The following PTPRC variants were observed in gnomAD, a reference collection of about 807,000 sequenced individuals.
PTPRC encodes the protein receptor-type tyrosine-protein phosphatase C.
In PTPRC, 44 loss-of-function variants were observed where a neutral mutation model predicts 155.9. The observed-to-expected ratio is 0.28, with a 90% CI of 0.22 to 0.36. PTPRC has a LOEUF of 0.36. PTPRC is among the 10% of genes least tolerant of loss of function. The probability of loss-of-function intolerance (pLI) is 1.00; values close to 1 mark genes in which losing one functional copy is unlikely to be tolerated. For missense variants in PTPRC, 1,401 were observed against 1,564.6 expected (o/e 0.90, Z 1.76); for synonymous variants, 525 against 533.1 (o/e 0.98, Z 0.21).
chr1:198,707,034 C>T (rs1653017186), intron 9 of PTPRC, 82 bp downstream of exon 9: 1 of 1,171,846 alleles, frequency 8.5e-7, no homozygotes, highest in Admixed American at 1.8e-5. Flanking sequence ...GTCACAGGAG[C>T]TAGTCTGGTG....
chr1:198,754,168 C>A (rs1395904224), intron 31 of PTPRC, 101 bp from the exon 32 acceptor site: 6 of 1,376,912 alleles, frequency 4.4e-6, no homozygotes. Flanking sequence ...TTATGATAAA[C>A]ATGAAGCAAA....
At chr1:198,704,433 C>CAAAATTTT in intron 7 of PTPRC, 39 bp from the exon 8 acceptor site, 3 of 1,613,354 alleles carry the variant, frequency 1.9e-6, no homozygotes, top group Non-Finnish European at 2.5e-6. Context: ...TATTCTAAAG[C>CAAAATTTT]AAAATTTTAA....
chr1:198,731,063 G>C (rs1267544095), intron 17 of PTPRC, among the ~76,000 whole-genome samples: 1 of 151,944 alleles, frequency 6.6e-6, no homozygotes, highest in African/African-American at 2.4e-5. Context: ...TCTTCAGTAA[G>C]TTATTTCACA....
chr1:198,685,741 GC>G (rs1245509669), intron 2 of PTPRC, among the ~76,000 whole-genome samples: 4 of 151,854 alleles, frequency 2.6e-5, no homozygotes, highest in Non-Finnish European at 4.4e-5. Flanking sequence ...GTCTTGATTT[GC>G]TTTTTTCCAC....
intron 2 of PTPRC, among the ~76,000 whole-genome samples, chr1:198,677,832 C>A (rs908500405): frequency 1.3e-5 from 2 of 152,064 alleles, no homozygotes; most frequent in Admixed American, 1.3e-4. Flanking sequence ...GGAGACTAAA[C>A]CTCGGAAATA....
chr1:198,744,530 T>A (rs948159842), intron 26 of PTPRC, among the ~76,000 whole-genome samples: 1 of 151,884 alleles, frequency 6.6e-6, no homozygotes, highest in African/African-American at 2.4e-5. Flanking sequence ...ATACAGCATA[T>A]CACCTTTAAA....
chr1:198,698,507 TG>T (rs1666316176), intron 4 of PTPRC, among the ~76,000 whole-genome samples: 1 of 152,104 alleles, frequency 6.6e-6, no homozygotes, highest in South Asian at 2.1e-4. Flanking sequence ...CTGATATAAT[TG>T]GGGGAAAATC....
intron 2 of PTPRC, among the ~76,000 whole-genome samples, chr1:198,675,245 T>G (rs1184703776): frequency 6.6e-6 from 1 of 152,158 alleles, no homozygotes; most frequent in Non-Finnish European, 1.5e-5. Context: ...AACATGGAAT[T>G]AATGTTGATG....
At chr1:198,641,519 C>T (rs1192961033) in intron 2 of PTPRC, among the ~76,000 whole-genome samples, 2 of 152,030 alleles carry the variant, frequency 1.3e-5, no homozygotes, top group Non-Finnish European at 1.5e-5. Flanking sequence ...AAAATGCACA[C>T]ACGGACAAGG....
At chr1:198,668,078 G>C (rs992005210) in intron 2 of PTPRC, among the ~76,000 whole-genome samples, 1 of 152,198 alleles carries the variant, frequency 6.6e-6, no homozygotes, top group Non-Finnish European at 1.5e-5. Context: ...ATGATTGTTA[G>C]AGTGGCAGGG....
intron 32 of PTPRC, among the ~76,000 whole-genome samples, chr1:198,755,576 C>CTGAT (rs1432664398): frequency 1.3e-5 from 2 of 151,960 alleles, no homozygotes; most frequent in Non-Finnish European, 2.9e-5. Flanking sequence ...GATTCCTGCC[C>CTGAT]TGATTCTTAA....
intron 2 of PTPRC, among the ~76,000 whole-genome samples, chr1:198,640,518 C>G (rs1421849662): frequency 6.6e-6 from 1 of 151,712 alleles, no homozygotes; most frequent in African/African-American, 2.4e-5. Flanking sequence ...CTTTTTATTG[C>G]AAAGGTGAAT....
chr1:198,657,686 C>G (rs968141074), intron 2 of PTPRC: 21 of 152,140 alleles, frequency 1.4e-4, no homozygotes, highest in African/African-American at 4.8e-4. Context: ...ATGGAAATAC[C>G]AGAAATCTGA....
At chr1:198,713,743 C>A (rs1653428619) in intron 12 of PTPRC, among the ~76,000 whole-genome samples, 1 of 152,136 alleles carries the variant, frequency 6.6e-6, no homozygotes, top group Admixed American at 6.5e-5. Flanking sequence ...TGGAGTATCT[C>A]AGAGCAGCCT....
intron 26 of PTPRC, among the ~76,000 whole-genome samples, chr1:198,745,709 G>A (rs1655108337): frequency 6.6e-6 from 1 of 151,786 alleles, no homozygotes; most frequent in Non-Finnish European, 1.5e-5. Flanking sequence ...TATGCAGATA[G>A]TTGAGTTAAA....
At chr1:198,730,820 T>G (rs1377378046) in intron 17 of PTPRC, among the ~76,000 whole-genome samples, 1 of 152,070 alleles carries the variant, frequency 6.6e-6, no homozygotes, top group Non-Finnish European at 1.5e-5. Flanking sequence ...GTATAGAAAG[T>G]TTCCATGGGC....
Position 198,708,165 on chromosome 1 carries a change from C to G in PTPRC, c.937C>G (p.Gln313Glu). The part of the protein sequence containing the change: ...VEKFQLHDCT[Q>E]VEKADTTICL... ...AAAGTTTCAGTTACATGATTGTACA[C>G]AAGTTGAAAAAGCAGATACTACTAT... is the stretch of plus-strand genomic sequence containing the variant. The change falls in exon 10 of 33, where the codon CAA (glutamine) becomes GAA (glutamate). Residue 313 changes from glutamine to glutamate, a missense_variant. By Grantham distance (29) the Gln-to-Glu change is conservative. Transcript: ENST00000442510. 6.2e-7 allele frequency: 1 copy of G among 1,606,552 alleles called. No homozygotes were observed.
chr1:198,650,281 T>G (rs1011390157), intron 2 of PTPRC, among the ~76,000 whole-genome samples: 14 of 151,892 alleles, frequency 9.2e-5, no homozygotes, highest in African/African-American at 3.4e-4. Flanking sequence ...CAGAATAACC[T>G]AATCTTCTTT....
chr1:198,757,261 C>T lies in PTPRC; in HGVS notation c.*1080C>T, dbSNP rs528085388. 1 of 151,748 alleles carries T rather than the reference C, an allele frequency of 6.6e-6. No homozygotes were observed. Among genetic ancestry groups the T allele is most frequent in the Non-Finnish European group, 1.5e-5 (1 of 67,744 alleles). 9.4% of individuals were successfully genotyped at this position (151,748 alleles called of 1,614,324 possible). ...GTCGCTAATCATAATAAAATTCAAC[C>T]ATTATTTTTTTCTTGTTTATAATAC... is the stretch of plus-strand genomic sequence containing the variant. On this transcript the variant is annotated 3_prime_UTR_variant, in exon 33 of 33. Transcript: ENST00000442510.
Sources: allele counts gnomAD v4.1 joint callset (sites outside exome capture counted in the v4.1 genomes callset), GRCh38; gene constraint gnomAD v4.1.1; transcripts MANE v1.5; gene names NCBI Gene and HGNC (gene_info 2026-07-23, HGNC 2026-07-21).